Variants in CUBN observed in about 807,000 individuals in gnomAD.
The protein encoded by CUBN is cubilin, also known as 460 kDa receptor.
Under a neutral mutation model 405.3 loss-of-function variants are expected in CUBN, and 282 were observed. That is an observed-to-expected ratio of 0.70 (90% confidence interval 0.63 to 0.77). CUBN has a LOEUF of 0.77. Ranked by LOEUF, CUBN falls within the 30% of genes least tolerant of loss-of-function variation. CUBN has a pLI of 0.00. For missense variants in CUBN, 4,514 were observed against 4,475.2 expected (o/e 1.01, Z -0.25); for synonymous variants, 1,684 against 1,617.0 (o/e 1.04, Z -0.99).
At chr10:16,869,163 G>A (rs1160197711) in intron 59 of CUBN, among the ~76,000 whole-genome samples, 1 of 94,442 alleles carries the variant, frequency 1.1e-5, no homozygotes, top group East Asian at 3.0e-4. Context: ...CTACCAAAGT[G>A]ATTTTTTTTT....
Position 17,095,457 on chromosome 10 carries a change from A to G in CUBN, c.1765+4548T>C, listed in dbSNP as rs989278513. Among the ~76,000 whole-genome samples, 14 of 152,116 alleles carry G rather than the reference A, an allele frequency of 9.2e-5. 1 individual carries two copies. Among genetic ancestry groups the G allele is most frequent in the Admixed American group, 7.9e-4 (12 of 15,250 alleles). On this transcript the variant is annotated intron_variant, in intron 14 of 66. Transcript: ENST00000377833. ...AAATGGGCAAAGGATCCAAATAGAC[A>G]TTTCTGAATAGAAAACATATAAATG...
rs769842201 is a variant in CUBN at position 16,904,025 on chromosome 10, T to G, written c.8003A>C (p.His2668Pro). The change falls in exon 51 of 67, where the codon CAC (histidine) becomes CCC (proline). Residue 2668 changes from histidine (H) to proline (P), a missense_variant. Transcript: ENST00000377833. Reference protein sequence around the residue: ...LVIPYSQVWIHFVTNERVEHI... With the variant: ...LVIPYSQVWIPFVTNERVEHI... The stretch of plus-strand genomic sequence containing the variant: ...TTCTACACGTTCGTTGGTGACAAAG[T>G]GAATCCATACCTGAGAATAAGGTAT... 2 of 1,613,528 alleles carry G rather than the reference T, an allele frequency of 1.2e-6. No homozygotes were observed. Among genetic ancestry groups the G allele is most frequent in the Non-Finnish European group, 8.5e-7 (1 of 1,179,488 alleles).
Position 16,890,389 on chromosome 10 carries a change from A to G in CUBN, c.8737T>C (p.Ser2913Pro). Reference sequence around the variant, plus strand: ...TACTTACGGCTAACAAAGGACGCGGAGAAGCCCTGAGCTGGTGCCTCCTGA... The same window carrying G: ...TACTTACGGCTAACAAAGGACGCGGGGAAGCCCTGAGCTGGTGCCTCCTGA... ...QSQEAPAQGF[S>P]ASFVSRCGSN... Residue 2913 changes from serine to proline, a missense_variant, in exon 55 of 67, where the codon TCC becomes CCC. Around this residue, in one of 5 missense-constraint regions of CUBN, gnomAD observed 1,186 missense variants for 1,186.9 expected, o/e 1.00. Coordinates refer to ENST00000377833, the MANE Select transcript of CUBN (RefSeq NM_001081.4). 1 of 1,613,526 alleles carries G rather than the reference A, an allele frequency of 6.2e-7. No individual in the cohort carries two copies. Among genetic ancestry groups the G allele is most frequent in the East Asian group, 2.2e-5 (1 of 44,860 alleles).
intron 31 of CUBN, among the ~76,000 whole-genome samples, chr10:16,965,093 G>A (rs915752479): frequency 1.3e-5 from 2 of 152,134 alleles, no homozygotes; most frequent in Admixed American, 6.5e-5. Context: ...GGATCAGCAT[G>A]TTCTAACATC....
intron 17 of CUBN, among the ~76,000 whole-genome samples, chr10:17,082,364 T>C (rs1304803792): frequency 1.3e-5 from 2 of 152,152 alleles, no homozygotes; most frequent in African/African-American, 2.4e-5. Context: ...ACCATTCTGG[T>C]TTATGAAATT....
chr10:16,892,171 C>T (rs2669149), intron 54 of CUBN, among the ~76,000 whole-genome samples: 71,241 of 152,002 alleles, frequency 0.47, 18,931 homozygotes, highest in Middle Eastern at 0.63. Context: ...TCTTTAAAGC[C>T]GTATTGTTTC....
intron 4 of CUBN, among the ~76,000 whole-genome samples, chr10:17,124,498 C>G (rs35673054): frequency 1.3e-5 from 2 of 150,678 alleles, no homozygotes; most frequent in African/African-American, 2.4e-5. Context: ...GCGCGATCTC[C>G]GCTCACTGCA....
chr10:16,939,759 C>T (rs1348422668), intron 37 of CUBN, among the ~76,000 whole-genome samples: 2 of 152,038 alleles, frequency 1.3e-5, no homozygotes, highest in African/African-American at 4.8e-5. Flanking sequence ...CAGACTCTAA[C>T]ACAACGTCAT....
At chr10:16,929,546 C>A (rs1020739706) in intron 40 of CUBN, among the ~76,000 whole-genome samples, 30 of 152,138 alleles carry the variant, frequency 2.0e-4, no homozygotes, top group Admixed American at 5.2e-4. Context: ...TCATTATTAA[C>A]CACTTTAGAA....
chr10:16,977,642 G>A (rs1353087525), intron 31 of CUBN, among the ~76,000 whole-genome samples: 3 of 152,126 alleles, frequency 2.0e-5, no homozygotes, highest in Non-Finnish European at 2.9e-5. Flanking sequence ...CAAGAAGATG[G>A]GTACCAAGAG....
At chr10:16,912,431 A>G (rs1267279874) in intron 48 of CUBN, among the ~76,000 whole-genome samples, 1 of 152,212 alleles carries the variant, frequency 6.6e-6, no homozygotes, top group Non-Finnish European at 1.5e-5. Context: ...CAAGGAGCTC[A>G]CATTCTAGTG....
chr10:17,071,332 C>G, intron 19 of CUBN, 94 bp downstream of exon 19: 3 of 1,354,858 alleles, frequency 2.2e-6, no homozygotes, highest in Non-Finnish European at 3.1e-6. Flanking sequence ...ACATAAACTA[C>G]TTTCATTTCC....
intron 14 of CUBN, among the ~76,000 whole-genome samples, chr10:17,091,301 A>G (rs1588636301): frequency 6.6e-6 from 1 of 152,346 alleles, no homozygotes; most frequent in East Asian, 1.9e-4. Flanking sequence ...ATGTGATATA[A>G]TATATAAATG....
At chr10:17,046,613 A>G (rs1835139532) in intron 23 of CUBN, among the ~76,000 whole-genome samples, 1 of 152,190 alleles carries the variant, frequency 6.6e-6, no homozygotes, top group African/African-American at 2.4e-5. Context: ...TTTGAAACAA[A>G]CAACAAAAAA....
chr10:17,012,013 C>T (rs1834200001), intron 28 of CUBN, among the ~76,000 whole-genome samples: 1 of 152,136 alleles, frequency 6.6e-6, no homozygotes, highest in Non-Finnish European at 1.5e-5. Flanking sequence ...TGGATAGGGG[C>T]AAAGAAGGGG....
chr10:16,969,465 C>T (rs898963526), intron 31 of CUBN, among the ~76,000 whole-genome samples: 4 of 152,098 alleles, frequency 2.6e-5, no homozygotes, highest in African/African-American at 9.7e-5. Context: ...AGTGATTCTC[C>T]TGCCTTAGCC....
Position 16,928,155 on chromosome 10 carries a change from A to C in CUBN, c.6271+2T>G. ...GGATTAAAAAATATTTGAACTCATT[A>C]CTCTTGTGAAAGGATGCATTGAAGC... On this transcript the variant is annotated splice_donor_variant, in intron 41 of 66. Coordinates refer to ENST00000377833, the MANE Select transcript of CUBN (RefSeq NM_001081.4). LOFTEE classifies it high-confidence loss of function. The C allele has an allele frequency of 1.9e-6, 3 of 1,613,338 alleles. No individual in the cohort carries two copies. Among genetic ancestry groups the C allele is most frequent in the Non-Finnish European group, 2.5e-6 (3 of 1,179,604 alleles).
At chr10:17,098,362 T>C (rs1037169490) in intron 14 of CUBN, among the ~76,000 whole-genome samples, 9 of 152,208 alleles carry the variant, frequency 5.9e-5, no homozygotes, top group African/African-American at 2.2e-4. Context: ...ATTAATGTTC[T>C]ACAACACTAA....
chr10:17,051,724 G>C (rs758115316), intron 22 of CUBN, among the ~76,000 whole-genome samples: 5 of 151,788 alleles, frequency 3.3e-5, no homozygotes, highest in Non-Finnish European at 7.4e-5. Context: ...ACTTTAATAT[G>C]TATTAATAGA....
Sources: allele counts gnomAD v4.1 joint callset (sites outside exome capture counted in the v4.1 genomes callset), GRCh38; gene constraint gnomAD v4.1.1; regional missense constraint gnomAD v4.1.1; transcripts MANE v1.5; gene names NCBI Gene and HGNC (gene_info 2026-07-23, HGNC 2026-07-21).